The following MED27 variants were observed in gnomAD, a reference collection of about 807,000 sequenced individuals.
MED27 encodes mediator complex subunit 27.
Under a neutral mutation model 38.2 loss-of-function variants are expected in MED27, and 30 were observed. The ratio of observed to expected loss-of-function variants is 0.79; its 90% CI spans 0.59 to 1.07. The LOEUF (loss-of-function observed/expected upper bound fraction) is 1.07. Among genes scored for constraint, MED27 ranks in the 50% least tolerant of loss-of-function variants. MED27 has a pLI of 0.00. For synonymous variants in MED27, 122 were observed against 153.5 expected, an observed-to-expected ratio of 0.79 and a Z score of 1.52; for missense variants, 289 against 397.5, an observed-to-expected ratio of 0.73 and a Z score of 2.32.
chr9:131,915,906 G>A (rs1830279099), intron 4 of MED27, among the ~76,000 whole-genome samples: 1 of 152,198 alleles, frequency 6.6e-6, no homozygotes, highest in Non-Finnish European at 1.5e-5. Flanking sequence ...ATTACAATTT[G>A]CTTACAAGTC....
intron 6 of MED27, among the ~76,000 whole-genome samples, chr9:131,882,483 G>A (rs1839065059): frequency 6.6e-6 from 1 of 152,210 alleles, no homozygotes; most frequent in Non-Finnish European, 1.5e-5. Context: ...CTACAAAAGA[G>A]TCCTGTGCTT....
At chr9:131,973,062 A>C (rs1831515692) in intron 3 of MED27, among the ~76,000 whole-genome samples, 1 of 152,278 alleles carries the variant, frequency 6.6e-6, no homozygotes, top group Admixed American at 6.5e-5. Flanking sequence ...GAGCAGGAAG[A>C]TAACTGACAT....
chr9:132,036,129 A>G (rs1833070669), intron 2 of MED27, among the ~76,000 whole-genome samples: 1 of 152,250 alleles, frequency 6.6e-6, no homozygotes, highest in South Asian at 2.1e-4. Flanking sequence ...ACGTTTATTA[A>G]GTAGGAACAT....
At chr9:132,019,659 GA>G in intron 2 of MED27, among the ~76,000 whole-genome samples, 1 of 152,238 alleles carries the variant, frequency 6.6e-6, no homozygotes, top group East Asian at 1.9e-4. Flanking sequence ...CAGCCTTAAA[GA>G]GGTCACTGAC....
chr9:132,037,091 G>A (rs1325454527), intron 2 of MED27, among the ~76,000 whole-genome samples: 3 of 152,158 alleles, frequency 2.0e-5, no homozygotes, highest in South Asian at 2.1e-4. Flanking sequence ...GAAGCACTGC[G>A]CTGGGCACAG....
intron 3 of MED27, among the ~76,000 whole-genome samples, chr9:131,966,696 C>T (rs1831358118): frequency 6.6e-6 from 1 of 152,102 alleles, no homozygotes. Flanking sequence ...GACAAGGACC[C>T]GGACTCCCGA....
chr9:131,973,699 A>C (rs1188757491), intron 3 of MED27, among the ~76,000 whole-genome samples: 6 of 150,458 alleles, frequency 4.0e-5, no homozygotes, highest in African/African-American at 1.5e-4. Context: ...CTACTGAATT[A>C]CTGTATTACT....
chr9:132,006,817 T>C (rs967209286), intron 3 of MED27, among the ~76,000 whole-genome samples: 3 of 152,166 alleles, frequency 2.0e-5, no homozygotes, highest in Non-Finnish European at 4.4e-5. Context: ...CCTTCATGCA[T>C]CACTATTGCC....
At chr9:132,077,176 G>A (rs145680015) in intron 2 of MED27, among the ~76,000 whole-genome samples, 22 of 152,308 alleles carry the variant, frequency 1.4e-4, no homozygotes, top group African/African-American at 4.8e-4. Context: ...GGGTTCATAA[G>A]AGTTGCTCCC....
At chr9:131,949,317 G>A (rs1482973795) in intron 3 of MED27, among the ~76,000 whole-genome samples, 1 of 152,162 alleles carries the variant, frequency 6.6e-6, no homozygotes, top group Non-Finnish European at 1.5e-5. Flanking sequence ...CTAGAGGAGG[G>A]AGAGTGACAG....
rs1266363198 is a variant in MED27 at position 131,936,142 on chromosome 9, A to AT, written c.573+3238_573+3239insA. On this transcript the variant is annotated intron_variant, in intron 4 of 7. Transcript: ENST00000292035. ...AGTGAGACCCTGTCTCAAAAAAAAA[A>AT]AAAAAAAAGAAAGAAAGAAAGAAAG... Among the ~76,000 whole-genome samples, 125 of 150,700 alleles carry AT rather than the reference A, an allele frequency of 8.3e-4. 1 individual carries two copies. In the East Asian group the frequency reaches 0.011, roughly 13 times the overall value.
rs1018307116 is a variant in MED27 at position 132,038,349 on chromosome 9, G to A, written c.349-23882C>T. Among the ~76,000 whole-genome samples, 8 of 151,350 alleles carry A rather than the reference G, an allele frequency of 5.3e-5. No homozygotes were observed. The East Asian group carries it at 5.8e-4, about 11-fold the overall frequency. Reference sequence around the variant, plus strand: ...TGGGACTACAGGCGCCCGCCACTACGCCCGGCTAATTTTTTTGTATTTTTA... The same window carrying A: ...TGGGACTACAGGCGCCCGCCACTACACCCGGCTAATTTTTTTGTATTTTTA... On this transcript the variant is annotated intron_variant, in intron 2 of 7. Coordinates refer to ENST00000292035, the MANE Select transcript of MED27 (RefSeq NM_004269.4).
chr9:131,944,823 C>T (rs1182599122), intron 3 of MED27, among the ~76,000 whole-genome samples: 7 of 151,994 alleles, frequency 4.6e-5, no homozygotes, highest in African/African-American at 9.7e-5. Flanking sequence ...TGAGCCACCA[C>T]GCCCGGCTGT....
intron 3 of MED27, among the ~76,000 whole-genome samples, chr9:131,951,259 G>A (rs754300565): frequency 1.1e-4 from 16 of 152,162 alleles, no homozygotes; most frequent in Admixed American, 2.0e-4. Flanking sequence ...CATCAATCAC[G>A]GTATCCTTGC....
At chr9:131,973,457 C>CTTTTTT (rs747946439) in intron 3 of MED27, among the ~76,000 whole-genome samples, 343 of 122,020 alleles carry the variant, frequency 2.8e-3, no homozygotes, top group African/African-American at 3.3e-3. Context: ...TTTTTCTTTT[C>CTTTTTT]TTTTTTTTTT....
chr9:132,028,453 C>T (rs920257393), intron 2 of MED27, among the ~76,000 whole-genome samples: 1 of 151,922 alleles, frequency 6.6e-6, no homozygotes, highest in Non-Finnish European at 1.5e-5. Context: ...ATGACTGTAG[C>T]TGCAGCACCT....
At chr9:131,983,065 A>G (rs35107878) in intron 3 of MED27, among the ~76,000 whole-genome samples, 2,809 of 152,336 alleles carry the variant, frequency 0.018, 42 homozygotes, top group Non-Finnish European at 0.03. Context: ...TTTCTGACTC[A>G]TGACACTCAG....
rs896773737 is a variant in MED27, at chr9:132,069,083, A to C, written c.348+8359T>G. Among the ~76,000 whole-genome samples, 11 of 152,364 alleles carry C rather than the reference A, an allele frequency of 7.2e-5. No homozygotes were observed. The East Asian group carries it at 2.1e-3, about 29-fold the overall frequency. On this transcript the variant is annotated intron_variant, in intron 2 of 7. Coordinates refer to ENST00000292035, the MANE Select transcript of MED27 (RefSeq NM_004269.4). ...TTCTATTCAACATTCCTGGAAGAGA[A>C]GAGGAAATGCCCTTCATAGGCTCTG...
intron 3 of MED27, among the ~76,000 whole-genome samples, chr9:131,970,118 T>C (rs887104197): frequency 6.6e-6 from 1 of 152,104 alleles, no homozygotes; most frequent in Non-Finnish European, 1.5e-5. Context: ...AGCAAGCAAA[T>C]TGGGCAAGGT....
Sources: allele counts gnomAD v4.1 joint callset (sites outside exome capture counted in the v4.1 genomes callset), GRCh38; gene constraint gnomAD v4.1.1; transcripts MANE v1.5; gene names NCBI Gene and HGNC (gene_info 2026-07-23, HGNC 2026-07-21).